The following OPTN variants were observed in gnomAD, a reference collection of about 807,000 sequenced individuals.
The protein encoded by OPTN is optineurin.
OPTN carries 54 observed loss-of-function variants against 70.4 expected under a neutral mutation model. The ratio of observed to expected loss-of-function variants is 0.77; its 90% CI spans 0.62 to 0.96. The LOEUF (loss-of-function observed/expected upper bound fraction) is 0.96. OPTN is among the 40% of genes least tolerant of loss of function. OPTN has a pLI of 0.00. For synonymous variants in OPTN, 256 were observed against 248.5 expected, an observed-to-expected ratio of 1.03 and a Z score of -0.28; for missense variants, 624 against 673.2, an observed-to-expected ratio of 0.93 and a Z score of 0.81.
intron 1 of OPTN, among the ~76,000 whole-genome samples, chr10:13,107,382 AC>A (rs1832888859): frequency 6.9e-6 from 1 of 145,452 alleles, no homozygotes; most frequent in Non-Finnish European, 1.5e-5. Context: ...AAAAACCAAA[AC>A]AGTCTTTTTT....
chr10:13,102,944 A>AT (rs1377675974), intron 1 of OPTN, among the ~76,000 whole-genome samples: 1 of 68,720 alleles, frequency 1.5e-5, no homozygotes, highest in South Asian at 6.5e-4. Context: ...CTGAGTCTTA[A>AT]TTTAAAAAAA....
chr10:13,102,289 G>T (rs528996487), intron 1 of OPTN, among the ~76,000 whole-genome samples: 2 of 152,340 alleles, frequency 1.3e-5, no homozygotes, highest in East Asian at 3.9e-4. Flanking sequence ...TGGTGGGTCA[G>T]TTGGGCCTGG....
At chr10:13,120,292 T>C (rs1833317967) in intron 7 of OPTN, among the ~76,000 whole-genome samples, 1 of 152,214 alleles carries the variant, frequency 6.6e-6, no homozygotes, top group Non-Finnish European at 1.5e-5. Context: ...CCGGCTGATC[T>C]GCAACTATTT....
chr10:13,115,715 G>A lies in OPTN; in HGVS notation c.553-552G>A, dbSNP rs761065952. 2.0e-5 allele frequency among the ~76,000 whole-genome samples: 3 copies of A among 148,500 alleles called. No homozygotes were observed. In the East Asian group the frequency reaches 5.9e-4, roughly 29 times the overall value. On this transcript the variant is annotated intron_variant, in intron 5 of 14. Transcript: ENST00000378747. The stretch of plus-strand genomic sequence containing the variant: ...TGAAGATTTTCCCTGGGAGCTTATT[G>A]GAATATAAATGTCTTTCAAATCCTG...
intron 1 of OPTN, among the ~76,000 whole-genome samples, chr10:13,100,647 A>C (rs1338611714): frequency 6.6e-6 from 1 of 152,220 alleles, no homozygotes; most frequent in African/African-American, 2.4e-5. Context: ...TTCCGCAGCC[A>C]GTTCCTCGCC....
chr10:13,133,679 A>G, intron 14 of OPTN, 98 bp downstream of exon 14: 1 of 1,081,200 alleles, frequency 9.2e-7, no homozygotes, highest in Non-Finnish European at 1.4e-6. Context: ...TGGATTCCAA[A>G]TCAAGGCACC....
At chr10:13,128,893 C>T (rs1833531657) in intron 12 of OPTN, among the ~76,000 whole-genome samples, 1 of 151,976 alleles carries the variant, frequency 6.6e-6, no homozygotes, top group Non-Finnish European at 1.5e-5. Flanking sequence ...ACATACAAGT[C>T]TTTGTCAGTT....
intron 14 of OPTN, among the ~76,000 whole-genome samples, chr10:13,136,327 G>A (rs183602695): frequency 2.0e-4 from 31 of 152,138 alleles, no homozygotes; most frequent in Admixed American, 1.9e-3. Context: ...GGCCAACATG[G>A]CAAAACCACA....
At chr10:13,106,580 G>A (rs1293606039) in intron 1 of OPTN, among the ~76,000 whole-genome samples, 1 of 152,206 alleles carries the variant, frequency 6.6e-6, no homozygotes, top group Non-Finnish European at 1.5e-5. Flanking sequence ...CTTGTAGGAA[G>A]AAGTGGCACA....
chr10:13,136,621 C>T (rs758274634), intron 14 of OPTN, 124 bp from the exon 15 acceptor site: 6 of 1,119,164 alleles, frequency 5.4e-6, no homozygotes, highest in Non-Finnish European at 7.9e-6. Flanking sequence ...CACCTGTGCT[C>T]ATGTCCCACT....
chr10:13,117,454 T>TG (rs1218862336), intron 6 of OPTN, among the ~76,000 whole-genome samples: 1 of 128,654 alleles, frequency 7.8e-6, no homozygotes, highest in African/African-American at 2.8e-5. Context: ...TTTTTTTTTT[T>TG]TTTTTTTTTG....
At chr10:13,131,940 C>A in intron 12 of OPTN, 127 bp from the exon 13 acceptor site, 3 of 872,584 alleles carry the variant, frequency 3.4e-6, no homozygotes, top group Non-Finnish European at 5.5e-6. Flanking sequence ...TGTTTTCTAG[C>A]AGGATTGTGC....
rs1832971718 is a variant in OPTN, at chr10:13,110,479, G to A, written c.369+3G>A. On this transcript the variant is annotated splice_donor_region_variant and intron_variant, in intron 4 of 14. Coordinates refer to ENST00000378747, the MANE Select transcript of OPTN (RefSeq NM_001008212.2). ...GGAAATCAGAAAGGTCATCTGAGGT[G>A]AGCAGACCGATCCATTGTGATGTTG... is the stretch of plus-strand genomic sequence containing the variant. 4 of 1,609,810 alleles carry A rather than the reference G, an allele frequency of 2.5e-6. No homozygotes were observed. The highest frequency in any genetic ancestry group is 2.2e-5 in the East Asian group (1 of 44,758).
At chr10:13,122,289 A>G in intron 7 of OPTN, 96 bp from the exon 8 acceptor site, 2 of 830,302 alleles carry the variant, frequency 2.4e-6, no homozygotes, top group East Asian at 2.6e-5. Context: ...CTTTATCCCA[A>G]TTGTAAACAA....
intron 11 of OPTN, among the ~76,000 whole-genome samples, chr10:13,126,283 C>CCTTTTTTTTTTTTTTTTTTTTTTTTTT (rs771767144): frequency 1.0e-4 from 14 of 139,076 alleles, no homozygotes; most frequent in African/African-American, 3.8e-4. Context: ...CTTCGTATTT[C>CCTTTTTTTTTTTTTTTTTTTTTTTTTT]TTTTTTTTTT....
In OPTN at chr10:13,137,059, C is replaced by A; in HGVS notation, c.*193C>A. ...CTTTGGGAGGTCGAGGTGGGTGGAT[C>A]ACTTGGGGTCAGGGTTTGAGACCAG... On this transcript the variant is annotated 3_prime_UTR_variant, in exon 15 of 15. Transcript: ENST00000378747. 1.5e-6 allele frequency: 1 copy of A among 650,950 alleles called. No individual in the cohort carries two copies. Among genetic ancestry groups the A allele is most frequent in the Non-Finnish European group, 2.7e-6 (1 of 370,288 alleles). 40.3% of individuals were successfully genotyped at this position (650,950 alleles called of 1,614,324 possible).
chr10:13,129,770 T>C (rs1319243140), intron 12 of OPTN, among the ~76,000 whole-genome samples: 2 of 152,228 alleles, frequency 1.3e-5, no homozygotes, highest in Admixed American at 1.3e-4. Context: ...CCTCACATTC[T>C]TGCATTATTT....
At chr10:13,125,703 C>A in intron 10 of OPTN, 136 bp downstream of exon 10, 1 of 1,011,552 alleles carries the variant, frequency 9.9e-7, no homozygotes, top group South Asian at 1.5e-5. Context: ...CCTAGCAGAC[C>A]TCTCAGAGAG....
At chr10:13,122,593 A>G in intron 8 of OPTN, 106 bp downstream of exon 8, 1 of 785,518 alleles carries the variant, frequency 1.3e-6, no homozygotes. Flanking sequence ...AAATATAGAA[A>G]TCATGTTGAT....
Sources: gnomAD v4.1 joint callset for allele counts (sites outside exome capture counted in the v4.1 genomes callset) on GRCh38, gnomAD v4.1.1 for gene constraint, MANE v1.5 for transcripts, NCBI Gene and HGNC (gene_info 2026-07-23, HGNC 2026-07-21) for gene names.